The following NR5A2 variants were observed in gnomAD, a reference collection of about 807,000 sequenced individuals.
The protein encoded by NR5A2 is nuclear receptor subfamily 5 group A member 2.
In NR5A2, 26 loss-of-function variants were observed where a neutral mutation model predicts 62.7. The observed-to-expected ratio is 0.41, with a 90% CI of 0.30 to 0.58. NR5A2 has a LOEUF of 0.58. Ranked by LOEUF, NR5A2 falls within the 20% of genes least tolerant of loss-of-function variation. The pLI, the probability that NR5A2 is intolerant of heterozygous loss-of-function variation, is 0.22. For synonymous variants in NR5A2, 246 were observed against 241.7 expected, an observed-to-expected ratio of 1.02 and a Z score of -0.16; for missense variants, 541 against 669.1, an observed-to-expected ratio of 0.81 and a Z score of 2.11.
At chr1:200,031,406 A>AC (rs1332866375) in intron 1 of NR5A2, among the ~76,000 whole-genome samples, 1 of 152,026 alleles carries the variant, frequency 6.6e-6, no homozygotes, top group African/African-American at 2.4e-5. Context: ...AGTCCTAGTG[A>AC]CTAGGGCTTG....
In NR5A2 at chr1:200,094,220, T is replaced by C. The variant is rs560292955; in HGVS notation, c.1111-16982T>C. On this transcript the variant is annotated intron_variant, in intron 5 of 7. Transcript: ENST00000367362. ...TTTTTTTGGAGACAGAGTGTTGATC[T>C]GTTGCCCAGGCTGGAGTGCAGTGAC... is the stretch of plus-strand genomic sequence containing the variant. Among the ~76,000 whole-genome samples the C allele has an allele frequency of 3.3e-5, 5 of 151,148 alleles. No homozygotes were observed. The South Asian group carries it at 1.0e-3, about 32-fold the overall frequency.
At chr1:200,083,721 C>T (rs548345535) in intron 5 of NR5A2, among the ~76,000 whole-genome samples, 2 of 152,106 alleles carry the variant, frequency 1.3e-5, no homozygotes, top group African/African-American at 2.4e-5. Context: ...AACTCCAACA[C>T]TTTGGGAGGC....
Position 200,137,460 on chromosome 1 carries a change from C to T in NR5A2, c.1378+16505C>T, listed in dbSNP as rs369130060. On this transcript the variant is annotated intron_variant, in intron 7 of 7. Transcript: ENST00000367362. ...GGATTACAGGCGTGAGCCACCACAC[C>T]TGGCCCAGATTTTACTTTTAATATG... Among the ~76,000 whole-genome samples the T allele has an allele frequency of 8.5e-5, 13 of 152,090 alleles. No individual in the cohort carries two copies. In the East Asian group the frequency reaches 1.2e-3, roughly 14 times the overall value.
At chr1:200,121,674 T>C (rs1175675953) in intron 7 of NR5A2, among the ~76,000 whole-genome samples, 2 of 152,220 alleles carry the variant, frequency 1.3e-5, no homozygotes, top group Admixed American at 1.3e-4. Flanking sequence ...ACTTGATTTC[T>C]GTATTTTGTT....
rs893844182 is a variant in NR5A2, at chr1:200,039,947, G to A, written c.202+152G>A. Reference sequence around the variant, plus strand: ...AGTCAAGCCCCCTCCCCAGGTGCAGGCATAAAAGTTTATGGCTCTTGAACA... The same window carrying A: ...AGTCAAGCCCCCTCCCCAGGTGCAGACATAAAAGTTTATGGCTCTTGAACA... On this transcript the variant is annotated intron_variant, in intron 2 of 7. Transcript: ENST00000367362. This position sits in a 1 kb window ranked among gnomAD's most constrained non-coding sequence, Gnocchi z 5.1. 96 of 813,310 alleles carry A rather than the reference G, an allele frequency of 1.2e-4. No homozygotes were observed. Among genetic ancestry groups the A allele is most frequent in the Non-Finnish European group, 1.5e-4 (85 of 553,480 alleles). The allele number at this position is 813,310 out of a possible 1,614,324, so 50.4% of individuals were successfully genotyped here. A position where few individuals can be genotyped will look rare whatever the true frequency, so the allele number is the denominator to read the frequency against.
intron 7 of NR5A2, among the ~76,000 whole-genome samples, chr1:200,153,502 A>G (rs1487887210): frequency 6.6e-6 from 1 of 152,170 alleles, no homozygotes; most frequent in Non-Finnish European, 1.5e-5. Flanking sequence ...TATTATGCAC[A>G]GTAGGGGCTT....
chr1:200,046,720 C>T (rs1662383064), intron 4 of NR5A2, among the ~76,000 whole-genome samples: 1 of 152,028 alleles, frequency 6.6e-6, no homozygotes. Flanking sequence ...ACTATTATTT[C>T]CCAAATAGCA....
chr1:200,043,523 A>G (rs1662218114), intron 2 of NR5A2, among the ~76,000 whole-genome samples: 1 of 152,250 alleles, frequency 6.6e-6, no homozygotes, highest in South Asian at 2.1e-4. Context: ...AAAAGCGGTC[A>G]GTTTAAAATG....
At chr1:200,099,729 G>A (rs1439004999) in intron 5 of NR5A2, among the ~76,000 whole-genome samples, 1 of 152,134 alleles carries the variant, frequency 6.6e-6, no homozygotes, top group Non-Finnish European at 1.5e-5. Context: ...AAATAGCTGG[G>A]ACTACAGGCA....
At chr1:200,030,566 A>G (rs529144419) in intron 1 of NR5A2, among the ~76,000 whole-genome samples, 1 of 152,168 alleles carries the variant, frequency 6.6e-6, no homozygotes, top group African/African-American at 2.4e-5. Flanking sequence ...CCCAAGTGGG[A>G]TGATTCTATT....
At chr1:200,049,379 A>C (rs747087637) in intron 5 of NR5A2, among the ~76,000 whole-genome samples, 10 of 152,098 alleles carry the variant, frequency 6.6e-5, no homozygotes, top group Admixed American at 4.6e-4. Flanking sequence ...TTCCAATAGG[A>C]TGTTTACTGT....
chr1:200,060,139 C>T (rs368970632), intron 5 of NR5A2, among the ~76,000 whole-genome samples: 1 of 152,194 alleles, frequency 6.6e-6, no homozygotes, highest in Non-Finnish European at 1.5e-5. Context: ...CCTCTCTCCT[C>T]CTTGTCCACT....
At chr1:200,137,622 A>C (rs1196698909) in intron 7 of NR5A2, among the ~76,000 whole-genome samples, 1 of 152,238 alleles carries the variant, frequency 6.6e-6, no homozygotes, top group Non-Finnish European at 1.5e-5. Context: ...TATTGCCAGC[A>C]TCAAACTCAA....
chr1:200,123,960 C>T (rs974913468), intron 7 of NR5A2, among the ~76,000 whole-genome samples: 5 of 151,958 alleles, frequency 3.3e-5, no homozygotes, highest in Non-Finnish European at 7.4e-5. Flanking sequence ...TGCCACCACA[C>T]CTGGCTAATT....
At chr1:200,112,121 A>C (rs938372550) in intron 6 of NR5A2, among the ~76,000 whole-genome samples, 4 of 152,000 alleles carry the variant, frequency 2.6e-5, no homozygotes, top group African/African-American at 9.7e-5. Context: ...GAAAATCAAC[A>C]CTCATCCACA....
rs182342134 is a variant in NR5A2, at chr1:200,067,719, C to T, written c.1110+18901C>T. Among the ~76,000 whole-genome samples the T allele has an allele frequency of 1.9e-3, 289 of 152,142 alleles. 3 individuals are homozygous for T. The highest frequency in any genetic ancestry group is 6.6e-3 in the African/African-American group (272 of 41,502). ...TGATAAAATAATCTGTACAACAGACCCCCATGACAAGAGTTCACCTAGGTA... is the reference window on the plus strand; with the variant it reads ...TGATAAAATAATCTGTACAACAGACTCCCATGACAAGAGTTCACCTAGGTA... On this transcript the variant is annotated intron_variant, in intron 5 of 7. Transcript: ENST00000367362.
At chr1:200,117,275 G>A (rs77143608) in intron 6 of NR5A2, among the ~76,000 whole-genome samples, 3,208 of 152,316 alleles carry the variant, frequency 0.021, 100 homozygotes, top group African/African-American at 0.067. Context: ...GTAATAAAAT[G>A]TAAGGAAGTT....
At chr1:200,042,777 C>T (rs969499533) in intron 2 of NR5A2, 7 of 979,256 alleles carry the variant, frequency 7.1e-6, no homozygotes, top group Non-Finnish European at 8.5e-6. Flanking sequence ...CCGGGAAATA[C>T]CGGATCAGGC....
At chr1:200,094,489 T>C (rs1189959391) in intron 5 of NR5A2, among the ~76,000 whole-genome samples, 1 of 147,744 alleles carries the variant, frequency 6.8e-6, no homozygotes, top group Non-Finnish European at 1.5e-5. Context: ...CCAGCCTGGA[T>C]GGGTATTTCT....
Sources: gnomAD v4.1 joint callset for allele counts (sites outside exome capture counted in the v4.1 genomes callset) on GRCh38, gnomAD v4.1.1 for gene constraint, Gnocchi (gnomAD v3.1) non-coding constraint, MANE v1.5 for transcripts, NCBI Gene and HGNC (gene_info 2026-07-23, HGNC 2026-07-21) for gene names.